Variants in AFF3 observed in about 807,000 individuals in gnomAD.
AFF3 encodes AF4/FMR2 family member 3.
A neutral mutation model predicts 129.7 loss-of-function variants in AFF3; 32 were observed. The ratio of observed to expected loss-of-function variants is 0.25; its 90% CI spans 0.19 to 0.33. AFF3 has a LOEUF of 0.33. Among genes scored for constraint, AFF3 ranks in the 10% least tolerant of loss-of-function variants. The pLI is 1.00. For synonymous variants in AFF3, 644 were observed against 635.4 expected (o/e 1.01, Z -0.20); for missense variants, 1,373 against 1,592.0 (o/e 0.86, Z 2.34).
At chr2:100,056,867 G>A (rs1686830595) in intron 4 of AFF3, among the ~76,000 whole-genome samples, 1 of 152,120 alleles carries the variant, frequency 6.6e-6, no homozygotes, top group Non-Finnish European at 1.5e-5. Flanking sequence ...CTGCCCTGGG[G>A]TAAATACGAA....
chr2:99,762,661 G>C (rs1480075743), intron 8 of AFF3, among the ~76,000 whole-genome samples: 1 of 152,204 alleles, frequency 6.6e-6, no homozygotes. Context: ...ATGGTAGCAA[G>C]AAATTACACT....
At chr2:99,810,984 T>C (rs1031530671) in intron 8 of AFF3, among the ~76,000 whole-genome samples, 5 of 152,190 alleles carry the variant, frequency 3.3e-5, no homozygotes, top group Non-Finnish European at 7.3e-5. Context: ...TATGATTACA[T>C]TGTACCCATC....
chr2:99,934,490 T>G (rs1674344050), intron 7 of AFF3, among the ~76,000 whole-genome samples: 1 of 151,962 alleles, frequency 6.6e-6, no homozygotes, highest in Admixed American at 6.5e-5. Flanking sequence ...TTCTTAAGCA[T>G]CTCACAAGCA....
At chr2:99,774,522 G>C (rs1378849316) in intron 8 of AFF3, among the ~76,000 whole-genome samples, 1 of 152,140 alleles carries the variant, frequency 6.6e-6, no homozygotes, top group South Asian at 2.1e-4. Flanking sequence ...ATTGTGCTGA[G>C]AGAACTGACT....
intron 7 of AFF3, among the ~76,000 whole-genome samples, chr2:99,980,243 C>G (rs1679283643): frequency 6.6e-6 from 1 of 152,154 alleles, no homozygotes; most frequent in African/African-American, 2.4e-5. Flanking sequence ...TCTTTTCAGC[C>G]TCAAAGGCTG....
At chr2:99,933,034 T>C (rs1305597380) in intron 7 of AFF3, among the ~76,000 whole-genome samples, 1 of 152,212 alleles carries the variant, frequency 6.6e-6, no homozygotes, top group Non-Finnish European at 1.5e-5. Context: ...ATAATAAATA[T>C]ATATGTGCAT....
chr2:100,104,813 C>CGCCGCCGCA, intron 3 of AFF3: 1 of 534,652 alleles, frequency 1.9e-6, no homozygotes, highest in Non-Finnish European at 2.4e-6. Context: ...CCGCCGCCGC[C>CGCCGCCGCA]GCCGCCGCCG....
intron 8 of AFF3, among the ~76,000 whole-genome samples, chr2:99,783,189 C>G (rs571097618): frequency 1.3e-5 from 2 of 152,326 alleles, no homozygotes; most frequent in East Asian, 3.9e-4. Context: ...AAAGCTTTTG[C>G]TCTATCCCAA....
chr2:99,666,987 T>C (rs546802797), intron 12 of AFF3, among the ~76,000 whole-genome samples: 1 of 152,230 alleles, frequency 6.6e-6, no homozygotes, highest in South Asian at 2.1e-4. Flanking sequence ...CAACATTAGA[T>C]AGAGCAATGA....
intron 8 of AFF3, among the ~76,000 whole-genome samples, chr2:99,791,310 T>C (rs907910458): frequency 1.3e-5 from 2 of 152,252 alleles, no homozygotes; most frequent in South Asian, 2.1e-4. Flanking sequence ...TATAAAATGA[T>C]ATACAATGGT....
chr2:99,929,627 G>T (rs1696526271), intron 7 of AFF3, among the ~76,000 whole-genome samples: 1 of 152,066 alleles, frequency 6.6e-6, no homozygotes. Flanking sequence ...ACCAAAAAAT[G>T]TCCTCTTAGA....
At chr2:99,946,766 G>T (rs1675615388) in intron 7 of AFF3, among the ~76,000 whole-genome samples, 1 of 152,214 alleles carries the variant, frequency 6.6e-6, no homozygotes, top group Non-Finnish European at 1.5e-5. Flanking sequence ...ACCAAGAGTT[G>T]TTGTGTAGGA....
At chr2:100,018,204 G>A (rs757165926) in intron 4 of AFF3, among the ~76,000 whole-genome samples, 11 of 152,044 alleles carry the variant, frequency 7.2e-5, no homozygotes, top group Admixed American at 2.6e-4. Flanking sequence ...CCATTTTACC[G>A]ATTTTTTAGT....
intron 13 of AFF3, among the ~76,000 whole-genome samples, chr2:99,602,310 G>T (rs529669228): frequency 1.3e-5 from 2 of 152,082 alleles, no homozygotes; most frequent in Admixed American, 1.3e-4. Context: ...ACACACTTTC[G>T]TATATTCCGG....
intron 2 of AFF3, among the ~76,000 whole-genome samples, chr2:100,127,917 G>A (rs1692265512): frequency 6.6e-6 from 1 of 152,160 alleles, no homozygotes; most frequent in African/African-American, 2.4e-5. Context: ...TGAGATGGGA[G>A]GTCAGCACAA....
rs147485230 is a variant in AFF3, at chr2:99,638,926, C to A, written c.1184+10700G>T. ...AAACTCTTCTAACTGTGCCCCAGAT[C>A]AAGTCACCCCATGTGTTTCTGCAGG... is the stretch of plus-strand genomic sequence containing the variant. On this transcript the variant is annotated intron_variant, in intron 13 of 24. Coordinates refer to ENST00000672756, the MANE Select transcript of AFF3 (RefSeq NM_001386135.1). Among the ~76,000 whole-genome samples, 68 of 152,324 alleles carry A rather than the reference C, an allele frequency of 4.5e-4. No individual in the cohort carries two copies. In the East Asian group the frequency reaches 9.7e-3, roughly 22 times the overall value.
intron 4 of AFF3, among the ~76,000 whole-genome samples, chr2:100,092,854 A>G (rs1306773998): frequency 6.6e-6 from 1 of 151,538 alleles, no homozygotes; most frequent in East Asian, 1.9e-4. Context: ...CATACTCCAC[A>G]GGATTTGGGG....
At chr2:99,822,771 C>T (rs1206351952) in intron 8 of AFF3, among the ~76,000 whole-genome samples, 2 of 152,162 alleles carry the variant, frequency 1.3e-5, no homozygotes, top group African/African-American at 4.8e-5. Context: ...GTGGGCTCCT[C>T]ATCCATACGG....
intron 4 of AFF3, among the ~76,000 whole-genome samples, chr2:100,041,412 T>C (rs916246926): frequency 2.6e-5 from 4 of 152,194 alleles, no homozygotes; most frequent in Admixed American, 2.6e-4. Context: ...ATCTTCAATG[T>C]TCTGTGTTCA....
Sources: gnomAD v4.1 joint callset for allele counts (sites outside exome capture counted in the v4.1 genomes callset) on GRCh38, gnomAD v4.1.1 for gene constraint, MANE v1.5 for transcripts, NCBI Gene and HGNC (gene_info 2026-07-23, HGNC 2026-07-21) for gene names.